The following DNAAF11 variants were observed in gnomAD, a reference collection of about 807,000 sequenced individuals.
DNAAF11 encodes the protein dynein axonemal assembly factor 11.
A neutral mutation model predicts 60.8 loss-of-function variants in DNAAF11; 45 were observed. The observed-to-expected ratio is 0.74, with a 90% CI of 0.58 to 0.95. DNAAF11 has a LOEUF of 0.95. Among genes scored for constraint, DNAAF11 ranks in the 40% least tolerant of loss-of-function variants. The probability of loss-of-function intolerance (pLI) is 0.00; values close to 1 mark genes in which losing one functional copy is unlikely to be tolerated. For synonymous variants in DNAAF11, 191 were observed against 183.5 expected, an observed-to-expected ratio of 1.04 and a Z score of -0.33; for missense variants, 546 against 546.2, an observed-to-expected ratio of 1.00 and a Z score of 0.00.
intron 10 of DNAAF11, among the ~76,000 whole-genome samples, chr8:132,591,761 T>A (rs1306713476): frequency 6.6e-6 from 1 of 152,064 alleles, no homozygotes; most frequent in Non-Finnish European, 1.5e-5. Context: ...AATAAATACA[T>A]AGATGAAATG....
chr8:132,572,208 A>G lies in DNAAF11; in HGVS notation c.*98T>C. ...CACTGGAGCAGCGATATTGACAAAT[A>G]ACTCTGTGTTTATCCCAGGAATAAT... is the stretch of plus-strand genomic sequence containing the variant. On this transcript the variant is annotated 3_prime_UTR_variant, in exon 12 of 12. Coordinates refer to ENST00000620350, the MANE Select transcript of DNAAF11 (RefSeq NM_012472.6). 1 of 954,960 alleles carries G rather than the reference A, an allele frequency of 1.0e-6. No individual in the cohort carries two copies. Among genetic ancestry groups the G allele is most frequent in the Non-Finnish European group, 1.5e-6 (1 of 645,438 alleles). 59.2% of individuals were successfully genotyped at this position (954,960 alleles called of 1,614,324 possible).
the DNAAF11 span, among the ~76,000 whole-genome samples, chr8:132,686,158 C>T: frequency 6.6e-6 from 1 of 152,138 alleles, no homozygotes; most frequent in Non-Finnish European, 1.5e-5. Flanking sequence ...CAAATGTCAT[C>T]TCTGAACGGA....
chr8:132,612,503 C>T (rs927502173), intron 8 of DNAAF11, among the ~76,000 whole-genome samples: 2 of 152,132 alleles, frequency 1.3e-5, no homozygotes, highest in African/African-American at 4.8e-5. Context: ...ATTATCATTG[C>T]TCACGTCTCC....
At chr8:132,584,789 G>C (rs3779969) in intron 10 of DNAAF11, among the ~76,000 whole-genome samples, 77,563 of 151,984 alleles carry the variant, frequency 0.51, 23,045 homozygotes, top group African/African-American at 0.83. Context: ...ACTTGGTGTG[G>C]TGCACAGCTG....
At chr8:132,588,492 C>T (rs1816132884) in intron 10 of DNAAF11, among the ~76,000 whole-genome samples, 1 of 152,070 alleles carries the variant, frequency 6.6e-6, no homozygotes, top group Admixed American at 6.6e-5. Flanking sequence ...AAGCATAGGA[C>T]TGAGAGGCAG....
At chr8:132,697,903 C>T in the DNAAF11 span, among the ~76,000 whole-genome samples, 13 of 152,128 alleles carry the variant, frequency 8.5e-5, no homozygotes, top group Non-Finnish European at 1.6e-4. Context: ...CAAGGAGGAC[C>T]TCAATCTTAC....
chr8:132,665,728 C>G (rs1340495287), intron 1 of DNAAF11, among the ~76,000 whole-genome samples: 1 of 152,162 alleles, frequency 6.6e-6, no homozygotes, highest in Non-Finnish European at 1.5e-5. Flanking sequence ...AACAATCAAC[C>G]TAGCAATCTC....
chr8:132,666,472 C>T (rs1824639927), intron 1 of DNAAF11, among the ~76,000 whole-genome samples: 1 of 152,012 alleles, frequency 6.6e-6, no homozygotes, highest in Non-Finnish European at 1.5e-5. Context: ...CAAACTCTGC[C>T]CTCAAGGAAT....
intron 10 of DNAAF11, among the ~76,000 whole-genome samples, chr8:132,606,976 T>C (rs1159737232): frequency 6.6e-6 from 1 of 152,206 alleles, no homozygotes. Context: ...TTTATTGTTG[T>C]AGAAAGAAAC....
chr8:132,605,719 GT>G (rs1388388649), intron 10 of DNAAF11, among the ~76,000 whole-genome samples: 6 of 152,342 alleles, frequency 3.9e-5, no homozygotes, highest in African/African-American at 1.4e-4. Flanking sequence ...GGGAGGAGAT[GT>G]TTTGTAAATA....
chr8:132,669,940 C>CAAAAAAAAAAAAA (rs35402875), intron 1 of DNAAF11, among the ~76,000 whole-genome samples: 2 of 69,784 alleles, frequency 2.9e-5, no homozygotes, highest in African/African-American at 8.0e-5. Context: ...GACTCCGTCT[C>CAAAAAAAAAAAAA]AAAAAAAAAA....
Position 132,595,972 on chromosome 8 carries a change from A to C in DNAAF11, c.1141-12193T>G, listed in dbSNP as rs144695349. On this transcript the variant is annotated intron_variant, in intron 10 of 11. Transcript: ENST00000620350. ...GTATTTCAGTAGTGGTACCCGCAAGATGTAGTTAAGCATGCCTCCTAATCA... is the reference window on the plus strand; with the variant it reads ...GTATTTCAGTAGTGGTACCCGCAAGCTGTAGTTAAGCATGCCTCCTAATCA... Among the ~76,000 whole-genome samples, 276 of 152,236 alleles carry C rather than the reference A, an allele frequency of 1.8e-3. 1 individual carries two copies. Among genetic ancestry groups the C allele is most frequent in the African/African-American group, 6.4e-3 (267 of 41,540 alleles).
chr8:132,696,623 C>A, the DNAAF11 span, among the ~76,000 whole-genome samples: 1 of 152,060 alleles, frequency 6.6e-6, no homozygotes, highest in African/African-American at 2.4e-5. Flanking sequence ...ATGGGTATGC[C>A]TTGAAAACAT....
intron 2 of DNAAF11, among the ~76,000 whole-genome samples, chr8:132,658,251 CTAAG>C: frequency 6.6e-6 from 1 of 152,134 alleles, no homozygotes; most frequent in East Asian, 1.9e-4. Flanking sequence ...TTAAATTATT[CTAAG>C]TAATCCTAAT....
At chr8:132,614,945 A>G in intron 8 of DNAAF11, 93 bp downstream of exon 8, 1 of 742,744 alleles carries the variant, frequency 1.3e-6, no homozygotes, top group Non-Finnish European at 2.3e-6. Flanking sequence ...GGTCTAAGTC[A>G]ATTCCATTTC....
At chr8:132,626,253 G>A (rs1820272580) in intron 5 of DNAAF11, among the ~76,000 whole-genome samples, 1 of 151,876 alleles carries the variant, frequency 6.6e-6, no homozygotes, top group Non-Finnish European at 1.5e-5. Flanking sequence ...AGGTTTCACC[G>A]TGTTAGCCAG....
intron 5 of DNAAF11, among the ~76,000 whole-genome samples, chr8:132,627,668 G>A (rs73708319): frequency 0.02 from 2,977 of 152,206 alleles, 73 homozygotes; most frequent in African/African-American, 0.052. Flanking sequence ...GGGTGTGCAC[G>A]GGAAGAGGGA....
chr8:132,592,315 G>A (rs906078027), intron 10 of DNAAF11, among the ~76,000 whole-genome samples: 2 of 152,130 alleles, frequency 1.3e-5, no homozygotes, highest in African/African-American at 2.4e-5. Context: ...GGGGGCTCAG[G>A]GAAATTTCCC....
intron 10 of DNAAF11, among the ~76,000 whole-genome samples, chr8:132,609,025 A>G (rs985762472): frequency 6.6e-6 from 1 of 152,142 alleles, no homozygotes; most frequent in Non-Finnish European, 1.5e-5. Flanking sequence ...TTTCCTCATC[A>G]GCAGAACCCA....
Sources: gnomAD v4.1 joint callset for allele counts (sites outside exome capture counted in the v4.1 genomes callset) on GRCh38, gnomAD v4.1.1 for gene constraint, MANE v1.5 for transcripts, NCBI Gene and HGNC (gene_info 2026-07-23, HGNC 2026-07-21) for gene names.